Variants in SETD1B observed in about 807,000 individuals in gnomAD.
SETD1B encodes histone-lysine N-methyltransferase SETD1B.
SETD1B carries 7 observed loss-of-function variants against 148.0 expected under a neutral mutation model. That is an observed-to-expected ratio of 0.05 (90% CI 0.03 to 0.09). The LOEUF is 0.09. Ranked by LOEUF, SETD1B falls within the 10% of genes least tolerant of loss-of-function variation. The pLI is 1.00. For synonymous variants in SETD1B, 1,361 were observed against 1,186.5 expected (o/e 1.15, Z -3.02); for missense variants, 2,155 against 2,729.9 (o/e 0.79, Z 4.69).
chr12:121,809,751 A>G lies in SETD1B; in HGVS notation c.806A>G (p.Tyr269Cys), dbSNP rs2137550819. 1 of 1,551,442 alleles carries G rather than the reference A, an allele frequency of 6.4e-7. No individual in the cohort carries two copies. Among genetic ancestry groups the G allele is most frequent in the Non-Finnish European group, 8.7e-7 (1 of 1,146,934 alleles). The change falls in exon 6 of 17, where the codon TAT becomes TGT. Residue 269 changes from tyrosine to cysteine, a missense_variant. By Grantham distance (194) the Tyr-to-Cys change is radical. Around this residue, in one of 11 missense-constraint regions of SETD1B, gnomAD observed 376 missense variants for 385.0 expected, o/e 0.98. Transcript: ENST00000604567. ...TGCCGCCTGGACACACCCAACTCCTATGGACAGGGCACCCCGCTCACACCG... is the reference window on the plus strand; with the variant it reads ...TGCCGCCTGGACACACCCAACTCCTGTGGACAGGGCACCCCGCTCACACCG... ...SSCRLDTPNS[Y>C]GQGTPLTPRL...
the SETD1B span, chr12:121,795,846 G>A: frequency 1.3e-5 from 2 of 152,710 alleles, no homozygotes; most frequent in Admixed American, 6.5e-5. Context: ...TCCAAGAAAT[G>A]GGGCTGTGAT....
At position 121,832,370 on chromosome 12, in the gene SETD1B, C is replaced by G. The variant is rs1203389843; in HGVS notation, c.*2131C>G. On this transcript the variant is annotated 3_prime_UTR_variant, in exon 17 of 17. Transcript: ENST00000604567. ...ATGTGTCGAGTCATTTTTCTTTCAA[C>G]TCCCTCATTTTTCATTGAACAAATC... 1 of 153,910 alleles carries G rather than the reference C, an allele frequency of 6.5e-6. No homozygotes were observed. The highest frequency in any genetic ancestry group is 1.4e-5 in the Non-Finnish European group (1 of 69,052). The allele number at this position is 153,910 out of a possible 1,614,324, so 9.5% of individuals were successfully genotyped here. A position where few individuals can be genotyped will look rare whatever the true frequency, so the allele number is the denominator to read the frequency against.
chr12:121,799,717 T>TGGGGGGGGGGGGGAGGGGGGGGGGGG (rs1456064145), upstream of SETD1B: 1 of 19,134 alleles, frequency 5.2e-5, no homozygotes, highest in Non-Finnish European at 1.1e-4. Flanking sequence ...CGCTCGCAGC[T>TGGGGGGGGGGGGGAGGGGGGGGGGGG]GGGGGGGGGG....
upstream of SETD1B, chr12:121,799,721 G>GGGGGGGGGGGGGA (rs1875213490): frequency 7.7e-6 from 1 of 129,852 alleles, no homozygotes; most frequent in Non-Finnish European, 1.7e-5. Context: ...CGCAGCTGGG[G>GGGGGGGGGGGGGA]GGGGGGGGGT....
upstream of SETD1B, chr12:121,800,562 G>C (rs923196807): frequency 6.6e-6 from 1 of 151,478 alleles, no homozygotes; most frequent in African/African-American, 2.4e-5. Context: ...GCCCGCGCAG[G>C]ACAAAGACGA....
intron 12 of SETD1B, among the ~76,000 whole-genome samples, chr12:121,824,620 C>T (rs1876750671): frequency 6.6e-6 from 1 of 151,970 alleles, no homozygotes; most frequent in Non-Finnish European, 1.5e-5. Flanking sequence ...GCACTCCAGC[C>T]TGGGTGACAG....
At position 121,825,197 on chromosome 12, in the gene SETD1B, C is replaced by T. The variant is rs1305498761; in HGVS notation, c.5171-3C>T. Reference sequence around the variant, plus strand: ...GTCCATGTGGCCCTTGACCCACACCCACCCACCAGCCTCTCTTCAGCTAAG... The same window carrying T: ...GTCCATGTGGCCCTTGACCCACACCTACCCACCAGCCTCTCTTCAGCTAAG... On this transcript the variant is annotated splice_polypyrimidine_tract_variant and splice_region_variant and intron_variant, in intron 12 of 16. Coordinates refer to ENST00000604567, the MANE Select transcript of SETD1B (RefSeq NM_001353345.2). The T allele has an allele frequency of 1.8e-5, 28 of 1,551,204 alleles. No individual in the cohort carries two copies. Among genetic ancestry groups the T allele is most frequent in the Non-Finnish European group, 2.2e-5 (25 of 1,146,942 alleles).
intron 16 of SETD1B, among the ~76,000 whole-genome samples, chr12:121,829,312 T>C (rs1471495): frequency 0.79 from 119,520 of 152,076 alleles, 49,748 homozygotes; most frequent in Non-Finnish European, 0.92. Context: ...GGCCTGAGCG[T>C]GGCTGGTGGC....
intron 10 of SETD1B, among the ~76,000 whole-genome samples, 154 bp downstream of exon 10, chr12:121,818,058 C>T (rs968234227): frequency 2.0e-5 from 3 of 152,180 alleles, no homozygotes; most frequent in Admixed American, 6.5e-5. Context: ...CGTACGGTTC[C>T]ATCTTCAGGG....
Position 121,823,176 on chromosome 12 carries a change from G to A in SETD1B, c.4597G>A (p.Asp1533Asn). ...ATCCCCACCATCTATGCTCTCCTTG[G>A]ATGGGCCCTTGGTCCGACCACCAGC... is the stretch of plus-strand genomic sequence containing the variant. ...RRSPPSMLSL[D>N]GPLVRPPAGA... is the part of the protein sequence containing the mutation. The change falls in exon 12 of 17, where the codon GAT becomes AAT. Residue 1533 changes from aspartate to asparagine, a missense_variant. Coordinates refer to ENST00000604567, the MANE Select transcript of SETD1B (RefSeq NM_001353345.2). 1.3e-6 allele frequency: 2 copies of A among 1,546,434 alleles called. No homozygotes were observed. The highest frequency in any genetic ancestry group is 2.4e-5 in the South Asian group (2 of 84,038).
rs933398662 is a variant in SETD1B at position 121,817,431 on chromosome 12, C to A, written c.3039C>A (p.Asp1013Glu). ...ADTPCELAKR[D>E]PKGVGVRRRP... ...CCCCCTGTGAGCTCGCCAAGCGGGA[C>A]CCCAAGGGCGTGGGTGTGCGGCGGC... The change falls in exon 9 of 17, where the codon GAC becomes GAA. Residue 1013 changes from aspartate (D) to glutamate (E), a missense_variant. By Grantham distance (45) the Asp-to-Glu change is conservative (BLOSUM62 2). Coordinates refer to ENST00000604567, the MANE Select transcript of SETD1B (RefSeq NM_001353345.2). This position sits in a 1 kb window ranked among gnomAD's most constrained non-coding sequence, Gnocchi z 8.1. The A allele has an allele frequency of 6.5e-7, 1 of 1,543,768 alleles. No individual in the cohort carries two copies. Among genetic ancestry groups the A allele is most frequent in the Non-Finnish European group, 8.8e-7 (1 of 1,141,570 alleles).
chr12:121,804,710 T>C lies in SETD1B; in HGVS notation c.-14-14T>C, dbSNP rs771529519. 6.5e-7 allele frequency: 1 copy of C among 1,544,188 alleles called. No homozygotes were observed. The highest frequency in any genetic ancestry group is 1.2e-5 in the South Asian group (1 of 83,594). On this transcript the variant is annotated splice_polypyrimidine_tract_variant and intron_variant, in intron 1 of 16. Transcript: ENST00000604567. This position sits in a 1 kb window ranked among gnomAD's most constrained non-coding sequence, Gnocchi z 4.6. ...CCGCCGCGGCGGAGACGACAACAAC[T>C]TGCTGGTTTTCAGGTTGGGTTAACG...
In SETD1B at chr12:121,804,446, G is replaced by T. The variant is rs558313529; in HGVS notation, c.-15+213G>T. Reference sequence around the variant, plus strand: ...CCATGGGCCGGAGTCCGCGTCCTCCGGGCGCCCCGGGCCCCGCCAGCCCGC... The same window carrying T: ...CCATGGGCCGGAGTCCGCGTCCTCCTGGCGCCCCGGGCCCCGCCAGCCCGC... On this transcript the variant is annotated intron_variant, in intron 1 of 16. Transcript: ENST00000604567. The surrounding 1 kb of genome is among the most constrained non-coding windows in gnomAD (Gnocchi z 4.6). Among the ~76,000 whole-genome samples, 25 of 149,664 alleles carry T rather than the reference G, an allele frequency of 1.7e-4. No homozygotes were observed. Among genetic ancestry groups the T allele is most frequent in the African/African-American group, 5.8e-4 (24 of 41,156 alleles).
In SETD1B at chr12:121,830,374, C is replaced by A; in HGVS notation, c.*135C>A. On this transcript the variant is annotated 3_prime_UTR_variant, in exon 17 of 17. Transcript: ENST00000604567. This position sits in a 1 kb window ranked among gnomAD's most constrained non-coding sequence, Gnocchi z 5.7. ...TCCTCTACCCAGCGGCCATTCAGGG[C>A]CTGGCGCCCCACACTACCCCCTGGA... 1.2e-6 allele frequency: 1 copy of A among 810,704 alleles called. No individual in the cohort carries two copies. Among genetic ancestry groups the A allele is most frequent in the Non-Finnish European group, 1.9e-6 (1 of 533,620 alleles). The allele number at this position is 810,704 out of a possible 1,614,324, so 50.2% of individuals were successfully genotyped here.
In SETD1B at chr12:121,823,020, C is replaced by T. The variant is rs1335884274; in HGVS notation, c.4441C>T (p.Pro1481Ser). Residue 1481 changes from proline to serine, a missense_variant, in exon 12 of 17, where the codon CCC becomes TCC. Coordinates refer to ENST00000604567, the MANE Select transcript of SETD1B (RefSeq NM_001353345.2). Reference sequence around the variant, plus strand: ...GCCCCTCCCTCTGCCCCTTCCCCTGCCCTTGCCCTTGGCATTGCCCGCCGT... The same window carrying T: ...GCCCCTCCCTCTGCCCCTTCCCCTGTCCTTGCCCTTGGCATTGCCCGCCGT... ...GLPLPLPLPLPLPLALPAVLR... is the reference protein window; with the variant it reads ...GLPLPLPLPLSLPLALPAVLR... The T allele has an allele frequency of 6.6e-7, 1 of 1,519,114 alleles. No individual in the cohort carries two copies. Among genetic ancestry groups the T allele is most frequent in the Middle Eastern group, 1.7e-4 (1 of 5,826 alleles). The allele number at this position is 1,519,114 out of a possible 1,614,324, so 94.1% of individuals were successfully genotyped here.
the SETD1B span, chr12:121,793,317 C>A: frequency 6.9e-7 from 1 of 1,458,264 alleles, no homozygotes; most frequent in Non-Finnish European, 9.4e-7. Flanking sequence ...CTGTCCACCC[C>A]CCTCACTCGT....
In SETD1B at chr12:121,819,660, G is replaced by A; in HGVS notation, c.3675G>A (p.Val1225=). The A allele has an allele frequency of 1.3e-6, 2 of 1,551,418 alleles. No individual in the cohort carries two copies. Among genetic ancestry groups the A allele is most frequent in the African/African-American group, 1.4e-5 (1 of 73,128 alleles). The change falls in exon 11 of 17, where the codon GTG becomes GTA. Residue 1225 remains valine (V), a synonymous_variant. Transcript: ENST00000604567. ...CTCTGGCCCCGGGGGCACCTGCAGT[G>A]GACTCGTTGGGCATGGAAGAGGAGG... ...EAALAPGAPA[V]DSLGMEEEVD...
upstream of SETD1B, chr12:121,801,161 C>T (rs867920990): frequency 1.3e-5 from 2 of 152,202 alleles, no homozygotes; most frequent in Non-Finnish European, 2.9e-5. Context: ...CCCGGAGCCC[C>T]GAGAAGCCGG....
chr12:121,816,524 G>A (rs1478630285), intron 7 of SETD1B, among the ~76,000 whole-genome samples: 1 of 152,240 alleles, frequency 6.6e-6, no homozygotes, highest in Non-Finnish European at 1.5e-5. Context: ...AGAGCCACCA[G>A]GCCTCATGTG....
Sources: allele counts gnomAD v4.1 joint callset (sites outside exome capture counted in the v4.1 genomes callset), GRCh38; gene constraint gnomAD v4.1.1; regional missense constraint gnomAD v4.1.1; non-coding constraint Gnocchi (gnomAD v3.1); transcripts MANE v1.5; gene names NCBI Gene and HGNC (gene_info 2026-07-23, HGNC 2026-07-21).